ADAMTS2: variants seen among roughly 807,000 people sequenced by gnomAD.
The protein encoded by ADAMTS2 is A disintegrin and metalloproteinase with thrombospondin motifs 2.
A neutral mutation model predicts 123.0 loss-of-function variants in ADAMTS2; 50 were observed. The observed-to-expected ratio is 0.41, with a 90% confidence interval of 0.32 to 0.51. The LOEUF (loss-of-function observed/expected upper bound fraction) is 0.51, where lower values mean the gene tolerates loss of function less well. Ranked by LOEUF, ADAMTS2 falls within the 20% of genes least tolerant of loss-of-function variation. The probability of loss-of-function intolerance (pLI) is 0.35; values close to 1 mark genes in which losing one functional copy is unlikely to be tolerated. For missense variants in ADAMTS2, 1,494 were observed against 1,705.2 expected (o/e 0.88, Z 2.18); for synonymous variants, 678 against 695.4 (o/e 0.98, Z 0.39).
rs541305620 is a variant in ADAMTS2, at chr5:179,258,094, G to C, written c.688+14817C>G. On this transcript the variant is annotated intron_variant, in intron 3 of 21. Transcript: ENST00000251582. ...GGCTCCAGGCAAGGTTGAGAGGACAGATGCTCTCATCCTGGGGGCTCTGGC... is the reference window on the plus strand; with the variant it reads ...GGCTCCAGGCAAGGTTGAGAGGACACATGCTCTCATCCTGGGGGCTCTGGC... 9.3e-4 allele frequency among the ~76,000 whole-genome samples: 141 copies of C among 152,276 alleles called. 1 individual carries two copies. Among genetic ancestry groups the C allele is most frequent in the African/African-American group, 3.4e-3 (140 of 41,566 alleles).
rs1298243409 is a variant in ADAMTS2 at position 179,307,890 on chromosome 5, C to G, written c.535-34826G>C. ...CCTATTTTTTTGTAACACCATTTCC[C>G]AATCATCGACACGTGGGTTCTTTAT... On this transcript the variant is annotated intron_variant, in intron 2 of 21. Coordinates refer to ENST00000251582, the MANE Select transcript of ADAMTS2 (RefSeq NM_014244.5). The surrounding 1 kb of genome is among the most constrained non-coding windows in gnomAD (Gnocchi z 5.6). Among the ~76,000 whole-genome samples the G allele has an allele frequency of 6.6e-6, 1 of 152,208 alleles. No individual in the cohort carries two copies. The highest frequency in any genetic ancestry group is 1.5e-5 in the Non-Finnish European group (1 of 68,052).
intron 2 of ADAMTS2, among the ~76,000 whole-genome samples, chr5:179,337,065 G>T (rs1047935155): frequency 6.6e-6 from 1 of 152,198 alleles, no homozygotes; most frequent in Non-Finnish European, 1.5e-5. Context: ...TCCGGGCTCG[G>T]TAATAACTTC....
chr5:179,261,345 G>A (rs1766218862), intron 3 of ADAMTS2, among the ~76,000 whole-genome samples: 1 of 152,234 alleles, frequency 6.6e-6, no homozygotes, highest in South Asian at 2.1e-4. Context: ...CCCCCGTGCT[G>A]GTGAGGATTT....
At position 179,125,195 on chromosome 5, in the gene ADAMTS2, CG is replaced by C; in HGVS notation, c.2751-16del. On this transcript the variant is annotated splice_polypyrimidine_tract_variant and intron_variant, in intron 18 of 21. Coordinates refer to ENST00000251582, the MANE Select transcript of ADAMTS2 (RefSeq NM_014244.5). ...CTGTGACCCACCTGCCAGGGCAGAG[CG>C]GGGCACAGTCAGGCTTCCGCAGCAC... The C allele has an allele frequency of 6.2e-7, 1 of 1,610,866 alleles. No homozygotes were observed.
At chr5:179,153,929 C>T (rs1763415596) in intron 8 of ADAMTS2, 120 bp downstream of exon 8, 1 of 1,390,412 alleles carries the variant, frequency 7.2e-7, no homozygotes. Context: ...CTCCCCCGCA[C>T]ACAAGCTTAG....
intron 3 of ADAMTS2, among the ~76,000 whole-genome samples, chr5:179,258,397 C>A (rs939445127): frequency 2.6e-5 from 4 of 152,170 alleles, no homozygotes; most frequent in African/African-American, 9.7e-5. Flanking sequence ...CCCTGCTGGA[C>A]GTCGCCTGGC....
Position 179,207,386 on chromosome 5 carries a change from C to T in ADAMTS2, c.891+127G>A, listed in dbSNP as rs1259534164. On this transcript the variant is annotated intron_variant, in intron 4 of 21. Coordinates refer to ENST00000251582, the MANE Select transcript of ADAMTS2 (RefSeq NM_014244.5). ...AGCAAGCCTCCCTGAGACTGTGTCACTCACCTCCGGCTAACAAGGAAATCG... is the reference window on the plus strand; with the variant it reads ...AGCAAGCCTCCCTGAGACTGTGTCATTCACCTCCGGCTAACAAGGAAATCG... 9.9e-6 allele frequency: 10 copies of T among 1,009,282 alleles called. No homozygotes were observed. In the East Asian group the frequency reaches 2.6e-4, roughly 26 times the overall value. 62.5% of individuals were successfully genotyped at this position (1,009,282 alleles called of 1,614,324 possible). A position where few individuals can be genotyped will look rare whatever the true frequency, so the allele number is the denominator to read the frequency against.
rs941100028 is a variant in ADAMTS2 at position 179,189,899 on chromosome 5, G to A, written c.892-8744C>T. 2.0e-5 allele frequency among the ~76,000 whole-genome samples: 3 copies of A among 151,964 alleles called. No homozygotes were observed. Among genetic ancestry groups the A allele is most frequent in the South Asian group, 4.2e-4 (2 of 4,794 alleles). ...AAAGTAGATTCACAAGGGCGGGTCC[G>A]GCGGGGGCGGGTGGCAATATCACAA... is the stretch of plus-strand genomic sequence containing the variant. On this transcript the variant is annotated intron_variant, in intron 4 of 21. Transcript: ENST00000251582. The surrounding 1 kb of genome is among the most constrained non-coding windows in gnomAD (Gnocchi z 4.2).
chr5:179,201,267 C>A (rs776764352), intron 4 of ADAMTS2, among the ~76,000 whole-genome samples: 4 of 152,090 alleles, frequency 2.6e-5, no homozygotes, highest in Non-Finnish European at 5.9e-5. Flanking sequence ...TAAGCACGAG[C>A]GATAGATTCA....
intron 3 of ADAMTS2, among the ~76,000 whole-genome samples, chr5:179,247,767 T>G (rs1379390775): frequency 6.8e-6 from 1 of 146,842 alleles, no homozygotes; most frequent in African/African-American, 2.4e-5. Flanking sequence ...CGGCTAAAAA[T>G]TCCAACAAAA....
intron 5 of ADAMTS2, among the ~76,000 whole-genome samples, chr5:179,164,967 C>T (rs1227995096): frequency 6.6e-6 from 1 of 152,214 alleles, no homozygotes; most frequent in Non-Finnish European, 1.5e-5. Flanking sequence ...GACATCGGGG[C>T]AGCTGGACAG....
rs183161445 is a variant in ADAMTS2 at position 179,303,402 on chromosome 5, G to A, written c.535-30338C>T. On this transcript the variant is annotated intron_variant, in intron 2 of 21. Coordinates refer to ENST00000251582, the MANE Select transcript of ADAMTS2 (RefSeq NM_014244.5). The surrounding 1 kb of genome is among the most constrained non-coding windows in gnomAD (Gnocchi z 4.7). Reference sequence around the variant, plus strand: ...TCATGAGCAGCTAGCTGAGGACCCTGCAAAATAAATAACAGCATGCAGATT... The same window carrying A: ...TCATGAGCAGCTAGCTGAGGACCCTACAAAATAAATAACAGCATGCAGATT... Among the ~76,000 whole-genome samples the A allele has an allele frequency of 4.3e-4, 66 of 152,236 alleles. No homozygotes were observed. In the East Asian group the frequency reaches 0.012, roughly 27 times the overall value.
chr5:179,291,824 C>A lies in ADAMTS2; in HGVS notation c.535-18760G>T, dbSNP rs578049972. On this transcript the variant is annotated intron_variant, in intron 2 of 21. Coordinates refer to ENST00000251582, the MANE Select transcript of ADAMTS2 (RefSeq NM_014244.5). The stretch of plus-strand genomic sequence containing the variant: ...CAAACACAGCTCACTGCAGCCTGGA[C>A]CCCCTGGGCTCAAGTGATCCTCCCA... Among the ~76,000 whole-genome samples, 46 of 151,960 alleles carry A rather than the reference C, an allele frequency of 3.0e-4. 3 individuals carry two copies. The highest frequency in any genetic ancestry group is 9.7e-4 in the African/African-American group (40 of 41,420).
rs1274975009 is a variant in ADAMTS2 at position 179,207,575 on chromosome 5, A to G, written c.829T>C (p.Ser277Pro). Residue 277 changes from serine (S) to proline (P), a missense_variant, in exon 4 of 22, where the codon TCT becomes CCT. This residue lies in a region of ADAMTS2 where 184 missense variants were observed against 152.1 expected (regional missense o/e 1.21). Coordinates refer to ENST00000251582, the MANE Select transcript of ADAMTS2 (RefSeq NM_014244.5). ...NIEVLLGVDD[S>P]VVQFHGKEHV... ...TCCTTCCCGTGGAACTGCACCACAG[A>G]GTCATCCACGCCCAGCAGGACCTCG... 2.5e-6 allele frequency: 4 copies of G among 1,613,486 alleles called. No homozygotes were observed. Among genetic ancestry groups the G allele is most frequent in the Admixed American group, 1.7e-5 (1 of 59,986 alleles).
At chr5:179,315,046 C>G (rs563136529) in intron 2 of ADAMTS2, among the ~76,000 whole-genome samples, 14 of 147,788 alleles carry the variant, frequency 9.5e-5, no homozygotes, top group East Asian at 4.0e-4. Flanking sequence ...CCACCCCCCC[C>G]ACAATCCCCA....
At chr5:179,281,308 C>T (rs1441338453) in intron 2 of ADAMTS2, among the ~76,000 whole-genome samples, 4 of 152,196 alleles carry the variant, frequency 2.6e-5, no homozygotes, top group Admixed American at 6.5e-5. Context: ...AAAGAAACCC[C>T]GTACACATTG....
chr5:179,140,925 G>A (rs555990697), intron 10 of ADAMTS2, among the ~76,000 whole-genome samples: 2 of 149,026 alleles, frequency 1.3e-5, no homozygotes, highest in East Asian at 2.0e-4. Context: ...TCAGCCTCCC[G>A]AGTAGCTGGG....
In ADAMTS2 at chr5:179,132,718, C is replaced by T. The variant is rs150526013; in HGVS notation, c.2209+59G>A. ...AGGATGAGTCAGGCCCTCAGCTGTC[C>T]GGGCATGAGCCTGCTGCAGGCATCC... On this transcript the variant is annotated intron_variant, in intron 14 of 21. Coordinates refer to ENST00000251582, the MANE Select transcript of ADAMTS2 (RefSeq NM_014244.5). The surrounding 1 kb of genome is among the most constrained non-coding windows in gnomAD (Gnocchi z 6.1). 1.5e-3 allele frequency: 2,408 copies of T among 1,611,764 alleles called. 34 individuals are homozygous for T. The East Asian group carries it at 0.042, about 28-fold the overall frequency.
chr5:179,156,070 C>T (rs1311460382), intron 6 of ADAMTS2, among the ~76,000 whole-genome samples: 1 of 152,184 alleles, frequency 6.6e-6, no homozygotes, highest in Non-Finnish European at 1.5e-5. Flanking sequence ...GCCATCTCCT[C>T]TTTGCCCTTT....
Sources: gnomAD v4.1 joint callset for allele counts (sites outside exome capture counted in the v4.1 genomes callset) on GRCh38, gnomAD v4.1.1 for gene constraint, gnomAD v4.1.1 regional missense constraint, Gnocchi (gnomAD v3.1) non-coding constraint, MANE v1.5 for transcripts, NCBI Gene and HGNC (gene_info 2026-07-23, HGNC 2026-07-21) for gene names.